ARPC1B: variants seen among roughly 807,000 people sequenced by gnomAD.
ARPC1B encodes actin-related protein 2/3 complex subunit 1B.
A neutral mutation model predicts 46.0 loss-of-function variants in ARPC1B; 29 were observed. The observed-to-expected ratio is 0.63, with a 90% CI of 0.47 to 0.86. The LOEUF is 0.86. ARPC1B is among the 40% of genes least tolerant of loss of function. The pLI is 0.00. For synonymous variants in ARPC1B, 201 were observed against 213.9 expected, an observed-to-expected ratio of 0.94 and a Z score of 0.53; for missense variants, 469 against 529.4, an observed-to-expected ratio of 0.89 and a Z score of 1.12.
At position 99,392,730 on chromosome 7, in the gene ARPC1B, C is replaced by T; in HGVS notation, c.843C>T (p.Phe281=). The T allele has an allele frequency of 1.3e-6, 2 of 1,548,274 alleles. No individual in the cohort carries two copies. Among genetic ancestry groups the T allele is most frequent in the African/African-American group, 1.4e-5 (1 of 73,132 alleles). The change falls in exon 8 of 10, where the codon TTC becomes TTT. Residue 281 remains phenylalanine, a synonymous_variant. Transcript: ENST00000646101. ...ACGCCGCCGCGGGGATGCTGAGCTT[C>T]GGCGGGCGGCTGGACGTTCCTAAGC... is the stretch of plus-strand genomic sequence containing the variant. The part of the protein sequence containing the change: ...TYDAAAGMLS[F]GGRLDVPKQS...
At position 99,393,465 on chromosome 7, in the gene ARPC1B, G is replaced by A. The variant is rs537204121; in HGVS notation, c.990-564G>A. 1.1e-4 allele frequency among the ~76,000 whole-genome samples: 16 copies of A among 152,224 alleles called. No individual in the cohort carries two copies. The East Asian group carries it at 3.1e-3, about 29-fold the overall frequency. On this transcript the variant is annotated intron_variant, in intron 8 of 9. Coordinates refer to ENST00000646101, the MANE Select transcript of ARPC1B (RefSeq NM_005720.4). Reference sequence around the variant, plus strand: ...TCCTGGGCGGGGTCACAGCTGGGGCGGGTCTATTGCTAGCACTTAGCGAGG... The same window carrying A: ...TCCTGGGCGGGGTCACAGCTGGGGCAGGTCTATTGCTAGCACTTAGCGAGG...
intron 8 of ARPC1B, among the ~76,000 whole-genome samples, chr7:99,393,516 G>A (rs1024369827): frequency 6.6e-6 from 1 of 151,976 alleles, no homozygotes; most frequent in African/African-American, 2.4e-5. Context: ...GGGTCTCTCC[G>A]CAGCCTTCTA....
At chr7:99,387,582 C>T (rs1161553724) in intron 3 of ARPC1B, among the ~76,000 whole-genome samples, 3 of 151,982 alleles carry the variant, frequency 2.0e-5, no homozygotes, top group Admixed American at 2.0e-4. Context: ...TACTAAAATA[C>T]AAAAATTAGC....
In ARPC1B at chr7:99,391,080, G is replaced by A; in HGVS notation, c.688G>A (p.Asp230Asn). The change falls in exon 6 of 10, where the codon GAT becomes AAT. Residue 230 changes from aspartate to asparagine, a missense_variant. By Grantham distance (23) the Asp-to-Asn change is conservative. Coordinates refer to ENST00000646101, the MANE Select transcript of ARPC1B (RefSeq NM_005720.4). ...CCACGACAGCACCGTCTGCCTGGCT[G>A]ATGCCGACAAGAAGATGGCGTGAGT... Reference protein sequence around the residue: ...VSHDSTVCLADADKKMAVATL... With the variant: ...VSHDSTVCLANADKKMAVATL... The A allele has an allele frequency of 6.2e-7, 1 of 1,613,648 alleles. No individual in the cohort carries two copies. The highest frequency in any genetic ancestry group is 8.5e-7 in the Non-Finnish European group (1 of 1,179,768).
intron 7 of ARPC1B, 78 bp from the exon 8 acceptor site, chr7:99,392,585 CCCGGGCGG>C: frequency 8.0e-7 from 1 of 1,248,262 alleles, no homozygotes; most frequent in Non-Finnish European, 1.1e-6. Flanking sequence ...GCATCTGCCT[CCCGGGCGG>C]CCAGACGCCC....
rs1377015028 is a variant in ARPC1B at position 99,391,009 on chromosome 7, A to C, written c.617A>C (p.His206Pro). The C allele has an allele frequency of 6.2e-7, 1 of 1,613,992 alleles. No homozygotes were observed. The highest frequency in any genetic ancestry group is 8.5e-7 in the Non-Finnish European group (1 of 1,180,022). The change falls in exon 6 of 10, where the codon CAT (histidine) becomes CCT (proline). Residue 206 changes from histidine to proline, a missense_variant. Coordinates refer to ENST00000646101, the MANE Select transcript of ARPC1B (RefSeq NM_005720.4). ...FESSSSCGWV[H>P]GVCFSASGSR... ...TCCAGCAGTAGCTGCGGCTGGGTAC[A>C]TGGCGTCTGTTTCTCAGCCAGCGGG...
rs868273528 is a variant in ARPC1B at position 99,392,556 on chromosome 7, C to T, written c.784-115C>T. ...AATTCGGGCCTCCCTCGCTGTGGCC[C>T]GTCTGTATCCTTGAGCTGGCATCTG... On this transcript the variant is annotated intron_variant, in intron 7 of 9. Coordinates refer to ENST00000646101, the MANE Select transcript of ARPC1B (RefSeq NM_005720.4). 247 of 950,924 alleles carry T rather than the reference C, an allele frequency of 2.6e-4. 1 individual carries two copies. The African/African-American group carries it at 3.7e-3, about 14-fold the overall frequency. The allele number at this position is 950,924 out of a possible 1,614,324, so 58.9% of individuals were successfully genotyped here. A position where few individuals can be genotyped will look rare whatever the true frequency, so the allele number is the denominator to read the frequency against.
Position 99,389,945 on chromosome 7 carries a change from G to A in ARPC1B, c.433G>A (p.Val145Ile), listed in dbSNP as rs1192417300. Residue 145 changes from valine to isoleucine, a missense_variant, in exon 5 of 10, where the codon GTC (valine) becomes ATC (isoleucine). Transcript: ENST00000646101. Reference protein sequence around the residue: ...KHIKKPIRSTVLSLDWHPNNV... With the variant: ...KHIKKPIRSTILSLDWHPNNV... Reference sequence around the variant, plus strand: ...CATCAAGAAGCCCATCCGCTCCACCGTCCTCAGCCTGGACTGGCACCCCAA... The same window carrying A: ...CATCAAGAAGCCCATCCGCTCCACCATCCTCAGCCTGGACTGGCACCCCAA... The A allele has an allele frequency of 1.1e-5, 18 of 1,614,142 alleles. No individual in the cohort carries two copies. Among genetic ancestry groups the A allele is most frequent in the Middle Eastern group, 1.7e-4 (1 of 6,060 alleles).
intron 1 of ARPC1B, among the ~76,000 whole-genome samples, chr7:99,375,217 C>G (rs938648903): frequency 6.6e-6 from 1 of 152,132 alleles, no homozygotes; most frequent in Non-Finnish European, 1.5e-5. Flanking sequence ...GTCGGTGTAG[C>G]CCCGTTACTT....
Position 99,374,744 on chromosome 7 carries a change from G to T in ARPC1B, c.-51G>T. The T allele has an allele frequency of 6.6e-6, 1 of 152,070 alleles. No individual in the cohort carries two copies. Among genetic ancestry groups the T allele is most frequent in the East Asian group, 1.9e-4 (1 of 5,136 alleles). The allele number at this position is 152,070 out of a possible 1,614,324, so 9.4% of individuals were successfully genotyped here. A position where few individuals can be genotyped will look rare whatever the true frequency, so the allele number is the denominator to read the frequency against. ...GCGCGGAGCCCAGAGCCGGTTCGGC[G>T]CGTCGACTGCCCAGAGTCCGCGGCC... On this transcript the variant is annotated 5_prime_UTR_variant, in exon 1 of 10. Coordinates refer to ENST00000646101, the MANE Select transcript of ARPC1B (RefSeq NM_005720.4). This position sits in a 1 kb window ranked among gnomAD's most constrained non-coding sequence, Gnocchi z 5.0.
At chr7:99,378,668 A>G (rs1423634249) in intron 1 of ARPC1B, among the ~76,000 whole-genome samples, 2 of 151,758 alleles carry the variant, frequency 1.3e-5, no homozygotes, top group African/African-American at 2.4e-5. Context: ...GGGCGACAGA[A>G]TGAGACTACA....
At position 99,388,041 on chromosome 7, in the gene ARPC1B, A is replaced by G; in HGVS notation, c.172A>G (p.Ile58Val). 6.2e-7 allele frequency: 1 copy of G among 1,600,206 alleles called. No homozygotes were observed. ...LKEHNGQVTG[I>V]DWAPESNRIV... ...GTGTTCCCTCCATCCCCCCACAGGC[A>G]TCGACTGGGCCCCCGAGAGTAACCG... Residue 58 changes from isoleucine (I) to valine (V), a missense_variant and splice_region_variant, in exon 4 of 10, where the codon ATC becomes GTC. Ile to Val is a conservative substitution (Grantham distance 29). Transcript: ENST00000646101.
chr7:99,388,080 G>C lies in ARPC1B; in HGVS notation c.211G>C (p.Gly71Arg). Reference protein sequence around the residue: ...APESNRIVTCGTDRNAYVWTL... With the variant: ...APESNRIVTCRTDRNAYVWTL... ...CGAGAGTAACCGTATTGTGACCTGC[G>C]GCACAGACCGCAACGCCTACGTGTG... Residue 71 changes from glycine (G) to arginine (R), a missense_variant, in exon 4 of 10, where the codon GGC becomes CGC. Physicochemically the swap from Gly to Arg is moderately radical, Grantham distance 125. Coordinates refer to ENST00000646101, the MANE Select transcript of ARPC1B (RefSeq NM_005720.4). The C allele has an allele frequency of 6.2e-7, 1 of 1,613,262 alleles. No individual in the cohort carries two copies. The highest frequency in any genetic ancestry group is 8.5e-7 in the Non-Finnish European group (1 of 1,179,352).
intron 1 of ARPC1B, chr7:99,377,315 T>TC (rs1437161126): frequency 0.016 from 2,305 of 148,338 alleles, 55 homozygotes; most frequent in African/African-American, 0.054. Context: ...TGCTTTCTTT[T>TC]TTTTTTTTTT....
intron 5 of ARPC1B, among the ~76,000 whole-genome samples, chr7:99,390,430 G>C (rs11971640): frequency 1.3e-5 from 2 of 151,214 alleles, no homozygotes; most frequent in East Asian, 3.9e-4. Context: ...GTGCAGTGGC[G>C]TGATATTGAC....
chr7:99,391,113 A>T lies in ARPC1B; in HGVS notation c.707+14A>T, dbSNP rs1251212305. 6.2e-7 allele frequency: 1 copy of T among 1,612,474 alleles called. No individual in the cohort carries two copies. The highest frequency in any genetic ancestry group is 1.1e-5 in the South Asian group (1 of 90,876). On this transcript the variant is annotated intron_variant, in intron 6 of 9. Transcript: ENST00000646101. ...CAAGAAGATGGCGTGAGTCGAGGCC[A>T]TCCCCAGGGGAGGAGGTGAGTGCAG...
intron 1 of ARPC1B, among the ~76,000 whole-genome samples, chr7:99,375,965 G>A (rs1794021744): frequency 6.6e-6 from 1 of 151,958 alleles, no homozygotes; most frequent in African/African-American, 2.4e-5. Flanking sequence ...AGGAGGCTGA[G>A]GCAGGAGAAT....
intron 1 of ARPC1B, among the ~76,000 whole-genome samples, chr7:99,385,035 G>A (rs576979897): frequency 1.4e-5 from 2 of 139,736 alleles, no homozygotes; most frequent in Admixed American, 1.5e-4. Flanking sequence ...GTGCGATCTC[G>A]GCTTACTGCA....
rs57668352 is a variant in ARPC1B, at chr7:99,394,698, G to GAAAAAAAA, written c.*216_*223dup. ...TTTTTCTTAAATGCTTTCATTTATT[G>GAAAAAAAA]AAAAAAAAAAAAAATGCCCCCAAAG... On this transcript the variant is annotated 3_prime_UTR_variant, in exon 10 of 10. Transcript: ENST00000646101. The GAAAAAAAA allele has an allele frequency of 6.0e-6, 7 of 1,164,800 alleles. No homozygotes were observed. In the African/African-American group the frequency reaches 1.1e-4, roughly 19 times the overall value. The allele number at this position is 1,164,800 out of a possible 1,614,324, so 72.2% of individuals were successfully genotyped here.
Sources: gnomAD v4.1 joint callset for allele counts (sites outside exome capture counted in the v4.1 genomes callset) on GRCh38, gnomAD v4.1.1 for gene constraint, Gnocchi (gnomAD v3.1) non-coding constraint, MANE v1.5 for transcripts, NCBI Gene and HGNC (gene_info 2026-07-23, HGNC 2026-07-21) for gene names.